The following PPARG variants were observed in gnomAD, a reference collection of about 807,000 sequenced individuals.
The protein encoded by PPARG is peroxisome proliferator activated receptor gamma.
In PPARG, 17 loss-of-function variants were observed where a neutral mutation model predicts 39.2. That is an observed-to-expected ratio of 0.43 (90% CI 0.30 to 0.65). PPARG has a LOEUF of 0.65. Among genes scored for constraint, PPARG ranks in the 30% least tolerant of loss-of-function variants. The pLI, the probability that PPARG is intolerant of heterozygous loss-of-function variation, is 0.13. For synonymous variants in PPARG, 223 were observed against 215.7 expected (o/e 1.03, Z -0.30); for missense variants, 406 against 585.9 (o/e 0.69, Z 3.17).
At chr3:12,348,740 C>T (rs904292640) in intron 2 of PPARG, among the ~76,000 whole-genome samples, 1 of 152,174 alleles carries the variant, frequency 6.6e-6, no homozygotes, top group African/African-American at 2.4e-5. Context: ...CAAGGACTAT[C>T]CTGCAAGGGG....
Position 12,415,620 on chromosome 3 carries a change from G to A in PPARG, c.730-1084G>A, listed in dbSNP as rs4135285. On this transcript the variant is annotated intron_variant, in intron 6 of 7. Transcript: ENST00000651735. ...AGCCTATTGCAAACTTGAATAATTG[G>A]GGCATGTATTTTATTGATTGTTTGA... Among the ~76,000 whole-genome samples the A allele has an allele frequency of 4.3e-3, 647 of 152,140 alleles. 4 individuals are homozygous for A. Among genetic ancestry groups the A allele is most frequent in the Middle Eastern group, 0.024 (7 of 294 alleles).
At chr3:12,297,875 C>G (rs2046827041) in intron 1 of PPARG, 1 of 151,600 alleles carries the variant, frequency 6.6e-6, no homozygotes, top group South Asian at 2.1e-4. Context: ...ATAGAGTTAC[C>G]CAGTTTTCCT....
chr3:12,384,496 C>T (rs896467853), intron 4 of PPARG, among the ~76,000 whole-genome samples: 2 of 152,066 alleles, frequency 1.3e-5, no homozygotes, highest in Non-Finnish European at 2.9e-5. Context: ...GTACCAGATA[C>T]TATGTGAGGT....
chr3:12,354,172 G>A (rs993141178), intron 2 of PPARG, among the ~76,000 whole-genome samples: 1 of 152,120 alleles, frequency 6.6e-6, no homozygotes, highest in African/African-American at 2.4e-5. Flanking sequence ...TTAGATAACT[G>A]ACCAAAGTTT....
At chr3:12,412,908 A>G (rs974737604) in intron 6 of PPARG, among the ~76,000 whole-genome samples, 1 of 152,232 alleles carries the variant, frequency 6.6e-6, no homozygotes, top group South Asian at 2.1e-4. Context: ...CGGTCTGAAG[A>G]TAAATACACT....
At chr3:12,370,038 C>T (rs2049153287) in intron 2 of PPARG, among the ~76,000 whole-genome samples, 1 of 152,128 alleles carries the variant, frequency 6.6e-6, no homozygotes, top group Non-Finnish European at 1.5e-5. Flanking sequence ...TTTCCTGGTC[C>T]CATCTTTTCT....
intron 1 of PPARG, among the ~76,000 whole-genome samples, chr3:12,307,335 C>T (rs1411055842): frequency 1.3e-5 from 2 of 151,968 alleles, no homozygotes; most frequent in Non-Finnish European, 2.9e-5. Flanking sequence ...GGGACAGATC[C>T]GTGTATTTAC....
At chr3:12,426,861 A>G (rs1229303881) in intron 7 of PPARG, among the ~76,000 whole-genome samples, 1 of 152,242 alleles carries the variant, frequency 6.6e-6, no homozygotes, top group Non-Finnish European at 1.5e-5. Flanking sequence ...AACTTGCCCA[A>G]GGTTACCTAG....
At chr3:12,377,243 C>T (rs1316967796) in intron 2 of PPARG, among the ~76,000 whole-genome samples, 1 of 152,078 alleles carries the variant, frequency 6.6e-6, no homozygotes, top group African/African-American at 2.4e-5. Context: ...CCTTAGAATC[C>T]ATGTAAGCAT....
intron 2 of PPARG, among the ~76,000 whole-genome samples, chr3:12,346,854 T>C (rs1160896490): frequency 1.3e-5 from 2 of 152,024 alleles, no homozygotes; most frequent in African/African-American, 4.8e-5. Flanking sequence ...CAGGCTGGTC[T>C]CCAACTCCTG....
intron 5 of PPARG, among the ~76,000 whole-genome samples, chr3:12,403,434 C>G (rs1467519794): frequency 1.3e-5 from 2 of 152,082 alleles, no homozygotes; most frequent in Non-Finnish European, 2.9e-5. Context: ...ACTGCAGCCT[C>G]AAACTCCTGG....
At chr3:12,419,770 T>A (rs1559534458) in intron 7 of PPARG, among the ~76,000 whole-genome samples, 2 of 152,300 alleles carry the variant, frequency 1.3e-5, no homozygotes, top group South Asian at 4.1e-4. Context: ...CCCAGACTAT[T>A]TATCTACTAT....
At chr3:12,379,573 TTTTCTGTTGTTGTGAGCGCCCAGATGAGA>T (rs2049548007) in intron 2 of PPARG, 102 bp from the exon 3 acceptor site, 1 of 806,492 alleles carries the variant, frequency 1.2e-6, no homozygotes, top group Non-Finnish European at 2.0e-6. Context: ...GGTTATGTTC[TTTTCTGTTGTTGTGAGCGCCCAGATGAGA>T]TTACTTTGCC....
At chr3:12,293,842 A>G (rs1410313934) in intron 1 of PPARG, among the ~76,000 whole-genome samples, 1 of 152,234 alleles carries the variant, frequency 6.6e-6, no homozygotes, top group Non-Finnish European at 1.5e-5. Flanking sequence ...TTCGAGTGCA[A>G]TGATGAAGTT....
intron 2 of PPARG, among the ~76,000 whole-genome samples, chr3:12,362,103 T>G (rs754916307): frequency 1.3e-5 from 2 of 152,232 alleles, no homozygotes; most frequent in Non-Finnish European, 2.9e-5. Flanking sequence ...AATTTTTAAA[T>G]TTCATTTTCT....
chr3:12,296,254 C>CAAAAAAAAAAAAAAA (rs545210244), intron 1 of PPARG, among the ~76,000 whole-genome samples: 1 of 48,626 alleles, frequency 2.1e-5, no homozygotes, highest in Non-Finnish European at 3.8e-5. Context: ...CACTTTGTCT[C>CAAAAAAAAAAAAAAA]AAAAAAAAAA....
rs1395337234 is a variant in PPARG, at chr3:12,420,468, T to TA, written c.1180+3315dup. Among the ~76,000 whole-genome samples, 3 of 152,350 alleles carry TA rather than the reference T, an allele frequency of 2.0e-5. No individual in the cohort carries two copies. The East Asian group carries it at 5.8e-4, about 29-fold the overall frequency. ...GCAATTTATTCGAAAGTCTATCAGT[T>TA]ACTTTGGTGGTTTCAGAAAGAAGTG... is the stretch of plus-strand genomic sequence containing the variant. On this transcript the variant is annotated intron_variant, in intron 7 of 7. Transcript: ENST00000651735.
chr3:12,405,045 A>C (rs1389015388), intron 5 of PPARG, among the ~76,000 whole-genome samples: 16 of 152,176 alleles, frequency 1.1e-4, no homozygotes, highest in Non-Finnish European at 1.8e-4. Flanking sequence ...GAAACATAGA[A>C]CCCAAAGTGT....
At chr3:12,362,869 G>GT (rs1244495066) in intron 2 of PPARG, among the ~76,000 whole-genome samples, 2 of 151,952 alleles carry the variant, frequency 1.3e-5, no homozygotes, top group African/African-American at 4.8e-5. Context: ...TTCCTAAGAG[G>GT]TTTTTTATTT....
Sources: gnomAD v4.1 joint callset for allele counts (sites outside exome capture counted in the v4.1 genomes callset) on GRCh38, gnomAD v4.1.1 for gene constraint, MANE v1.5 for transcripts, NCBI Gene and HGNC (gene_info 2026-07-23, HGNC 2026-07-21) for gene names.